Variants in USH2A observed in about 807,000 individuals in gnomAD.
The protein encoded by USH2A is usherin, also known as Usher syndrome 2A (autosomal recessive, mild).
USH2A carries 443 observed loss-of-function variants against 538.9 expected under a neutral mutation model. That is an observed-to-expected ratio of 0.82 (90% CI 0.76 to 0.89). The LOEUF (loss-of-function observed/expected upper bound fraction) is 0.89, where lower values mean the gene tolerates loss of function less well. Ranked by LOEUF, USH2A falls within the 40% of genes least tolerant of loss-of-function variation. The pLI is 0.00. For synonymous variants in USH2A, 2,413 were observed against 2,273.5 expected (o/e 1.06, Z -1.75); for missense variants, 6,633 against 6,324.8 (o/e 1.05, Z -1.65).
chr1:215,677,108 GA>G (rs1658058630), intron 62 of USH2A, among the ~76,000 whole-genome samples: 1 of 152,160 alleles, frequency 6.6e-6, no homozygotes, highest in South Asian at 2.1e-4. Flanking sequence ...ACTGAAAATA[GA>G]AGCAGTTAGA....
intron 60 of USH2A, among the ~76,000 whole-genome samples, chr1:215,735,929 T>A (rs1309424420): frequency 6.6e-6 from 1 of 152,164 alleles, no homozygotes; most frequent in African/African-American, 2.4e-5. Flanking sequence ...ATTCCACACA[T>A]ATTATTTAAT....
intron 4 of USH2A, among the ~76,000 whole-genome samples, chr1:216,341,718 C>A (rs2102679460): frequency 6.6e-6 from 1 of 152,182 alleles, no homozygotes; most frequent in East Asian, 1.9e-4. Context: ...TGATCTTTGA[C>A]AAGCTGTACA....
chr1:216,395,147 T>C (rs1351554701), intron 3 of USH2A, among the ~76,000 whole-genome samples: 1 of 152,202 alleles, frequency 6.6e-6, no homozygotes, highest in Non-Finnish European at 1.5e-5. Flanking sequence ...TCTTTTTCTT[T>C]TCATGCAACC....
At chr1:215,812,321 T>G (rs1342103812) in intron 49 of USH2A, among the ~76,000 whole-genome samples, 1 of 152,102 alleles carries the variant, frequency 6.6e-6, no homozygotes, top group Non-Finnish European at 1.5e-5. Flanking sequence ...GAGACTGTTT[T>G]GAGTAAAACC....
intron 41 of USH2A, among the ~76,000 whole-genome samples, chr1:215,882,340 T>TC (rs1664932021): frequency 6.6e-6 from 1 of 152,202 alleles, no homozygotes; most frequent in Non-Finnish European, 1.5e-5. Flanking sequence ...AATATTTGAC[T>TC]CCGTACAGTG....
At chr1:215,634,903 T>C (rs1332320917) in intron 69 of USH2A, among the ~76,000 whole-genome samples, 200 bp from the exon 70 acceptor site, 1 of 152,178 alleles carries the variant, frequency 6.6e-6, no homozygotes, top group African/African-American at 2.4e-5. Flanking sequence ...TTACAGCCCT[T>C]GAGAGGCCTT....
intron 15 of USH2A, among the ~76,000 whole-genome samples, chr1:216,212,390 C>G (rs1297618358): frequency 6.6e-6 from 1 of 152,102 alleles, no homozygotes; most frequent in East Asian, 1.9e-4. Flanking sequence ...AGAACTTGAA[C>G]CTTTATGTGC....
At chr1:215,666,558 G>C (rs140643127) in intron 64 of USH2A, among the ~76,000 whole-genome samples, 1 of 152,080 alleles carries the variant, frequency 6.6e-6, no homozygotes, top group Non-Finnish European at 1.5e-5. Context: ...CTTTTGAATC[G>C]CAGGGATTCC....
chr1:216,370,610 G>A (rs1183035825), intron 3 of USH2A, among the ~76,000 whole-genome samples: 1 of 145,144 alleles, frequency 6.9e-6, no homozygotes, highest in Non-Finnish European at 1.5e-5. Flanking sequence ...CCCGGGAGGC[G>A]GAGGTTGTGG....
intron 32 of USH2A, among the ~76,000 whole-genome samples, chr1:216,042,342 T>G (rs2030315038): frequency 1.3e-5 from 2 of 152,008 alleles, no homozygotes; most frequent in Admixed American, 1.3e-4. Context: ...TGTAAGAATT[T>G]ATCACTTTTA....
At chr1:215,636,837 G>GA (rs1239414194) in intron 69 of USH2A, among the ~76,000 whole-genome samples, 2 of 152,070 alleles carry the variant, frequency 1.3e-5, no homozygotes, top group African/African-American at 2.4e-5. Context: ...GCACATCTTG[G>GA]AATCTGCCAG....
intron 21 of USH2A, among the ~76,000 whole-genome samples, chr1:216,122,981 G>T (rs1430595311): frequency 6.6e-6 from 1 of 152,154 alleles, no homozygotes; most frequent in East Asian, 1.9e-4. Context: ...ACTGAACACT[G>T]AAAAGAGAAA....
intron 4 of USH2A, among the ~76,000 whole-genome samples, chr1:216,340,960 T>C (rs902968072): frequency 2.0e-5 from 3 of 152,006 alleles, no homozygotes; most frequent in East Asian, 3.9e-4. Flanking sequence ...TCTTTCATCA[T>C]TCCTATTCAA....
At chr1:216,313,056 G>A (rs1437655616) in intron 9 of USH2A, among the ~76,000 whole-genome samples, 1 of 152,120 alleles carries the variant, frequency 6.6e-6, no homozygotes, top group Non-Finnish European at 1.5e-5. Context: ...CTGGGTGTGA[G>A]GGCAGCACAT....
At chr1:215,793,860 T>C (rs974355395) in intron 50 of USH2A, among the ~76,000 whole-genome samples, 1 of 152,176 alleles carries the variant, frequency 6.6e-6, no homozygotes, top group East Asian at 1.9e-4. Flanking sequence ...CATGATCAGT[T>C]TCCCATGGCT....
At chr1:215,708,667 T>G (rs1049650990) in intron 61 of USH2A, among the ~76,000 whole-genome samples, 1 of 152,118 alleles carries the variant, frequency 6.6e-6, no homozygotes. Context: ...GTTTGCTATG[T>G]GAGAAGCAAT....
intron 14 of USH2A, among the ~76,000 whole-genome samples, chr1:216,227,382 G>A (rs184206947): frequency 6.6e-6 from 1 of 152,316 alleles, no homozygotes; most frequent in East Asian, 1.9e-4. Context: ...TGAAGAGTGA[G>A]AGATTAGACA....
chr1:216,044,471 G>T (rs1001717406), intron 32 of USH2A, among the ~76,000 whole-genome samples: 2 of 152,032 alleles, frequency 1.3e-5, no homozygotes, highest in Admixed American at 1.3e-4. Flanking sequence ...AACTTCTGTG[G>T]TTTATAATTT....
intron 61 of USH2A, among the ~76,000 whole-genome samples, chr1:215,681,253 A>G (rs768000040): frequency 5.9e-5 from 9 of 152,080 alleles, no homozygotes; most frequent in Non-Finnish European, 1.2e-4. Flanking sequence ...ATCTGGACTG[A>G]AAGGATATGT....
Sources: allele counts gnomAD v4.1 joint callset (sites outside exome capture counted in the v4.1 genomes callset), GRCh38; gene constraint gnomAD v4.1.1; transcripts MANE v1.5; gene names NCBI Gene and HGNC (gene_info 2026-07-23, HGNC 2026-07-21).